Variants in SEMA5A observed in about 807,000 individuals in gnomAD.
SEMA5A encodes the protein semaphorin 5A, also known as semaphorin-5A.
SEMA5A carries 55 observed loss-of-function variants against 135.5 expected under a neutral mutation model. The observed-to-expected ratio is 0.41, with a 90% CI of 0.33 to 0.51. The LOEUF (loss-of-function observed/expected upper bound fraction) is 0.51, where lower values mean the gene tolerates loss of function less well. SEMA5A is among the 20% of genes least tolerant of loss of function. The pLI is 0.37. For synonymous variants in SEMA5A, 580 were observed against 546.5 expected, an observed-to-expected ratio of 1.06 and a Z score of -0.85; for missense variants, 1,290 against 1,419.9, an observed-to-expected ratio of 0.91 and a Z score of 1.47.
At chr5:9,377,684 G>C (rs1755422720) in intron 3 of SEMA5A, among the ~76,000 whole-genome samples, 1 of 152,198 alleles carries the variant, frequency 6.6e-6, no homozygotes, top group Non-Finnish European at 1.5e-5. Context: ...GCAGAGACTT[G>C]AGATTTTGTG....
At chr5:9,445,961 A>C (rs769756064) in intron 1 of SEMA5A, among the ~76,000 whole-genome samples, 1 of 152,252 alleles carries the variant, frequency 6.6e-6, no homozygotes, top group Non-Finnish European at 1.5e-5. Flanking sequence ...TGGAGCCTTC[A>C]TGCCCAGATC....
intron 8 of SEMA5A, among the ~76,000 whole-genome samples, chr5:9,210,983 A>G (rs745844760): frequency 6.6e-6 from 1 of 152,172 alleles, no homozygotes; most frequent in Non-Finnish European, 1.5e-5. Flanking sequence ...AGATAATAAG[A>G]TTAGATTTAC....
intron 4 of SEMA5A, among the ~76,000 whole-genome samples, chr5:9,335,067 G>A (rs1041913354): frequency 1.3e-5 from 2 of 152,082 alleles, no homozygotes; most frequent in Admixed American, 6.5e-5. Flanking sequence ...AGACACATTG[G>A]GATGGAGACT....
intron 5 of SEMA5A, among the ~76,000 whole-genome samples, chr5:9,296,923 A>G (rs1453004699): frequency 6.1e-5 from 9 of 148,456 alleles, no homozygotes; most frequent in Non-Finnish European, 1.0e-4. Flanking sequence ...AAAAAAAAAG[A>G]TATAAAAACA....
At chr5:9,235,783 C>A (rs2062661215) in intron 6 of SEMA5A, among the ~76,000 whole-genome samples, 1 of 152,054 alleles carries the variant, frequency 6.6e-6, no homozygotes, top group African/African-American at 2.4e-5. Context: ...GTCAAAGTAC[C>A]AGAAGGAAGA....
chr5:9,072,393 C>A (rs1737816770), intron 16 of SEMA5A, among the ~76,000 whole-genome samples: 1 of 152,110 alleles, frequency 6.6e-6, no homozygotes, highest in Admixed American at 6.6e-5. Context: ...ATGAACACAC[C>A]AGTGATGTGC....
At chr5:9,507,534 T>C (rs1183074132) in intron 1 of SEMA5A, among the ~76,000 whole-genome samples, 1 of 152,204 alleles carries the variant, frequency 6.6e-6, no homozygotes, top group Non-Finnish European at 1.5e-5. Flanking sequence ...CTGAGGTCTT[T>C]CCTTATTTCT....
chr5:9,446,236 G>A (rs1255913938), intron 1 of SEMA5A, among the ~76,000 whole-genome samples: 1 of 152,148 alleles, frequency 6.6e-6, no homozygotes, highest in African/African-American at 2.4e-5. Flanking sequence ...CGGAAATAAA[G>A]CTGGAGTAAA....
At chr5:9,081,891 C>G (rs1327658150) in intron 16 of SEMA5A, among the ~76,000 whole-genome samples, 2 of 152,124 alleles carry the variant, frequency 1.3e-5, no homozygotes, top group African/African-American at 4.8e-5. Context: ...AAGCGGTGTT[C>G]TATTCCTTCC....
intron 12 of SEMA5A, among the ~76,000 whole-genome samples, chr5:9,145,113 C>T (rs1380306491): frequency 6.6e-6 from 1 of 151,972 alleles, no homozygotes; most frequent in Non-Finnish European, 1.5e-5. Context: ...TGAATCCCAG[C>T]CTTCAACATA....
chr5:9,508,907 A>G (rs945602155), intron 1 of SEMA5A, among the ~76,000 whole-genome samples: 1 of 152,196 alleles, frequency 6.6e-6, no homozygotes, highest in Non-Finnish European at 1.5e-5. Flanking sequence ...GAAAAAGTGG[A>G]TCTACAACTA....
At chr5:9,526,979 A>C (rs957272370) in intron 1 of SEMA5A, among the ~76,000 whole-genome samples, 2 of 152,214 alleles carry the variant, frequency 1.3e-5, no homozygotes, top group Non-Finnish European at 2.9e-5. Flanking sequence ...TTGGTGACAG[A>C]CATTTCCCAG....
In SEMA5A at chr5:9,035,351, C is replaced by G. The variant is rs1002599440; in HGVS notation, c.*7546G>C. On this transcript the variant is annotated 3_prime_UTR_variant, in exon 23 of 23. Coordinates refer to ENST00000382496, the MANE Select transcript of SEMA5A (RefSeq NM_003966.3). ...AACATATTCACTTCTGTAATAATAG[C>G]TATATATTTTTTCTTATAAACGTGT... 11 of 152,138 alleles carry G rather than the reference C, an allele frequency of 7.2e-5. No homozygotes were observed. Among genetic ancestry groups the G allele is most frequent in the Non-Finnish European group, 7.3e-5 (5 of 68,034 alleles). 9.4% of individuals were successfully genotyped at this position (152,138 alleles called of 1,614,324 possible). A position where few individuals can be genotyped will look rare whatever the true frequency, so the allele number is the denominator to read the frequency against.
intron 2 of SEMA5A, among the ~76,000 whole-genome samples, chr5:9,408,201 T>TAACCACCACCACCAC (rs1561229006): frequency 1.3e-5 from 2 of 151,560 alleles, no homozygotes; most frequent in Non-Finnish European, 2.9e-5. Context: ...ACCACCACCA[T>TAACCACCACCACCAC]CACCACCACC....
At chr5:9,437,504 G>A (rs1450858151) in intron 2 of SEMA5A, among the ~76,000 whole-genome samples, 1 of 151,916 alleles carries the variant, frequency 6.6e-6, no homozygotes, top group East Asian at 1.9e-4. Context: ...TTATAGGCAC[G>A]CGCCACCACG....
intron 15 of SEMA5A, among the ~76,000 whole-genome samples, chr5:9,110,866 G>A (rs1740201588): frequency 6.6e-6 from 1 of 152,110 alleles, no homozygotes; most frequent in African/African-American, 2.4e-5. Flanking sequence ...AGAGCTCAGG[G>A]CCACTGGACA....
intron 1 of SEMA5A, among the ~76,000 whole-genome samples, chr5:9,479,930 A>T (rs1378074162): frequency 6.6e-6 from 1 of 152,222 alleles, no homozygotes; most frequent in Non-Finnish European, 1.5e-5. Context: ...GGCACTCACA[A>T]AATACTTCTT....
intron 2 of SEMA5A, among the ~76,000 whole-genome samples, chr5:9,393,604 A>G (rs747964459): frequency 3.3e-5 from 5 of 152,240 alleles, no homozygotes; most frequent in Non-Finnish European, 7.3e-5. Context: ...TAGACCACTT[A>G]CTGGCAATTA....
chr5:9,165,168 C>T (rs567447163), intron 11 of SEMA5A, among the ~76,000 whole-genome samples: 3 of 152,230 alleles, frequency 2.0e-5, no homozygotes, highest in Non-Finnish European at 4.4e-5. Flanking sequence ...TCAACAACAG[C>T]AGCCCAAAAC....
Sources: allele counts gnomAD v4.1 joint callset (sites outside exome capture counted in the v4.1 genomes callset), GRCh38; gene constraint gnomAD v4.1.1; transcripts MANE v1.5; gene names NCBI Gene and HGNC (gene_info 2026-07-23, HGNC 2026-07-21).